PTPRD: variants seen among roughly 807,000 people sequenced by gnomAD.
The protein encoded by PTPRD is protein tyrosine phosphatase receptor type D.
PTPRD carries 34 observed loss-of-function variants against 214.5 expected under a neutral mutation model. The ratio of observed to expected loss-of-function variants is 0.16; its 90% confidence interval spans 0.12 to 0.21. The LOEUF is 0.21. PTPRD is among the 10% of genes least tolerant of loss of function. PTPRD has a pLI of 1.00. For synonymous variants in PTPRD, 1,128 were observed against 845.7 expected, an observed-to-expected ratio of 1.33 and a Z score of -5.79; for missense variants, 2,545 against 2,398.7, an observed-to-expected ratio of 1.06 and a Z score of -1.27.
At chr9:10,119,747 AC>A (rs201475482) in intron 3 of PTPRD, among the ~76,000 whole-genome samples, 2 of 152,128 alleles carry the variant, frequency 1.3e-5, no homozygotes, top group African/African-American at 2.4e-5. Context: ...TTCTGTTAGA[AC>A]AAAAATTTAT....
intron 10 of PTPRD, among the ~76,000 whole-genome samples, chr9:9,132,283 A>T (rs2099844058): frequency 6.6e-6 from 1 of 152,182 alleles, no homozygotes. Flanking sequence ...TGCTGGGATT[A>T]CAGGCGTGAG....
At chr9:9,987,138 T>G (rs1377295441) in intron 4 of PTPRD, among the ~76,000 whole-genome samples, 1 of 152,148 alleles carries the variant, frequency 6.6e-6, no homozygotes, top group Non-Finnish European at 1.5e-5. Context: ...AGAATTATGT[T>G]TTTTGAACTC....
rs892640006 is a variant in PTPRD at position 9,160,635 on chromosome 9, A to T, written c.-143+22669T>A. Among the ~76,000 whole-genome samples, 14 of 152,176 alleles carry T rather than the reference A, an allele frequency of 9.2e-5. 1 individual carries two copies. The highest frequency in any genetic ancestry group is 2.9e-5 in the Non-Finnish European group (2 of 68,028). ...AAATGGCATGGAGATTCCTCAAAAA[A>T]ACTAAAAATAGAACTACCATATGAT... is the stretch of plus-strand genomic sequence containing the variant. On this transcript the variant is annotated intron_variant, in intron 10 of 45. Coordinates refer to ENST00000381196, the MANE Select transcript of PTPRD (RefSeq NM_002839.4).
chr9:9,765,389 T>C (rs1040638159), intron 6 of PTPRD, among the ~76,000 whole-genome samples: 2 of 152,144 alleles, frequency 1.3e-5, no homozygotes, highest in Non-Finnish European at 2.9e-5. Flanking sequence ...AATGATAGTA[T>C]ATATGCCTAC....
At chr9:8,836,621 G>T (rs553304282) in intron 11 of PTPRD, among the ~76,000 whole-genome samples, 1 of 120,116 alleles carries the variant, frequency 8.3e-6, no homozygotes, top group African/African-American at 3.4e-5. Context: ...TTTTTAAGAC[G>T]GAGTCTCGCT....
intron 3 of PTPRD, among the ~76,000 whole-genome samples, chr9:10,136,661 C>A (rs1341833398): frequency 1.1e-5 from 1 of 86,984 alleles, no homozygotes; most frequent in African/African-American, 5.0e-5. Flanking sequence ...ATGTCCAAAA[C>A]ACCAAAAGCA....
intron 7 of PTPRD, among the ~76,000 whole-genome samples, chr9:9,625,575 G>C (rs1324925039): frequency 6.7e-6 from 1 of 148,668 alleles, no homozygotes; most frequent in Non-Finnish European, 1.5e-5. Flanking sequence ...TTTGTTTTGA[G>C]TGAGGGGAGG....
At chr9:9,624,834 A>G (rs2095366874) in intron 7 of PTPRD, among the ~76,000 whole-genome samples, 1 of 151,662 alleles carries the variant, frequency 6.6e-6, no homozygotes, top group African/African-American at 2.4e-5. Context: ...TGCATTGAAA[A>G]AAAAAAAAAG....
intron 3 of PTPRD, among the ~76,000 whole-genome samples, chr9:10,206,197 G>A (rs1160153870): frequency 6.6e-6 from 1 of 152,030 alleles, no homozygotes; most frequent in Non-Finnish European, 1.5e-5. Context: ...AAATCAAAAG[G>A]AATGAAATAC....
chr9:9,817,957 T>G (rs2153563534), intron 5 of PTPRD, among the ~76,000 whole-genome samples: 1 of 152,172 alleles, frequency 6.6e-6, no homozygotes, highest in East Asian at 1.9e-4. Flanking sequence ...AGGTATAGAG[T>G]CAAAATGTTG....
chr9:9,060,673 A>G (rs1590806207), intron 10 of PTPRD, among the ~76,000 whole-genome samples: 2 of 152,232 alleles, frequency 1.3e-5, no homozygotes, highest in East Asian at 3.9e-4. Flanking sequence ...AATAGAAAAA[A>G]AAGAGCAGGA....
chr9:9,234,965 C>G (rs539107997), intron 9 of PTPRD, among the ~76,000 whole-genome samples: 19 of 152,298 alleles, frequency 1.2e-4, no homozygotes, highest in Non-Finnish European at 2.5e-4. Flanking sequence ...CAGCAATGCC[C>G]CACTACCTCA....
At chr9:8,674,066 G>C (rs1216331973) in intron 12 of PTPRD, among the ~76,000 whole-genome samples, 3 of 152,108 alleles carry the variant, frequency 2.0e-5, no homozygotes, top group East Asian at 1.9e-4. Context: ...CTGGAGCTAA[G>C]ACGGAATAAA....
chr9:10,401,640 T>C (rs2098271580), intron 2 of PTPRD, among the ~76,000 whole-genome samples: 1 of 148,158 alleles, frequency 6.7e-6, no homozygotes, highest in Non-Finnish European at 1.5e-5. Flanking sequence ...TAAATTATCA[T>C]CTAATACTAT....
chr9:9,875,472 G>A, intron 5 of PTPRD, among the ~76,000 whole-genome samples: 1 of 150,736 alleles, frequency 6.6e-6, no homozygotes, highest in Non-Finnish European at 1.5e-5. Context: ...AAACCAAAGA[G>A]TATCTGACCA....
Position 8,314,668 on chromosome 9 carries a change from G to A in PTPRD, c.*3206C>T, listed in dbSNP as rs1820899336. 2 of 231,798 alleles carry A rather than the reference G, an allele frequency of 8.6e-6. No homozygotes were observed. The highest frequency in any genetic ancestry group is 1.7e-5 in the Non-Finnish European group (2 of 117,198). The allele number at this position is 231,798 out of a possible 1,614,324, so 14.4% of individuals were successfully genotyped here. On this transcript the variant is annotated 3_prime_UTR_variant, in exon 46 of 46. Coordinates refer to ENST00000381196, the MANE Select transcript of PTPRD (RefSeq NM_002839.4). ...AACAAAAAGGGAATTAAAAATAAAA[G>A]GACTTAAAGCAAAACCGAAAATAAA...
At chr9:9,136,108 T>C (rs1340911801) in intron 10 of PTPRD, among the ~76,000 whole-genome samples, 1 of 152,138 alleles carries the variant, frequency 6.6e-6, no homozygotes, top group Admixed American at 6.6e-5. Flanking sequence ...CGTCATAGTA[T>C]AGAAAGGTGA....
chr9:10,514,864 T>C (rs1209512679), intron 2 of PTPRD, among the ~76,000 whole-genome samples: 1 of 152,058 alleles, frequency 6.6e-6, no homozygotes, highest in Non-Finnish European at 1.5e-5. Flanking sequence ...GTTTACATAG[T>C]AGTTCACCAT....
chr9:9,030,856 C>T (rs747027305), intron 10 of PTPRD, among the ~76,000 whole-genome samples: 7 of 151,902 alleles, frequency 4.6e-5, no homozygotes, highest in Non-Finnish European at 7.4e-5. Flanking sequence ...TGTCTATTTT[C>T]CATACTTAAA....
Sources: allele counts gnomAD v4.1 joint callset (sites outside exome capture counted in the v4.1 genomes callset), GRCh38; gene constraint gnomAD v4.1.1; transcripts MANE v1.5; gene names NCBI Gene and HGNC (gene_info 2026-07-23, HGNC 2026-07-21).